NALCN: variants seen among roughly 807,000 people sequenced by gnomAD.
NALCN encodes sodium leak channel, non-selective, also known as sodium leak channel NALCN.
In NALCN, 111 loss-of-function variants were observed where a neutral mutation model predicts 225.3. The ratio of observed to expected loss-of-function variants is 0.49; its 90% confidence interval spans 0.42 to 0.58. The LOEUF (loss-of-function observed/expected upper bound fraction) is 0.58. NALCN is among the 20% of genes least tolerant of loss of function. The pLI is 0.00. For synonymous variants in NALCN, 764 were observed against 769.0 expected (o/e 0.99, Z 0.11); for missense variants, 1,378 against 2,202.4 (o/e 0.63, Z 7.49).
intron 3 of NALCN, among the ~76,000 whole-genome samples, chr13:101,380,201 G>A (rs1230243124): frequency 6.6e-6 from 1 of 151,578 alleles, no homozygotes; most frequent in Non-Finnish European, 1.5e-5. Flanking sequence ...CCATTCTCTT[G>A]GACCACAGTG....
chr13:101,060,147 A>G (rs1289104427), intron 41 of NALCN, among the ~76,000 whole-genome samples, 180 bp from the exon 42 acceptor site: 1 of 152,162 alleles, frequency 6.6e-6, no homozygotes, highest in East Asian at 1.9e-4. Flanking sequence ...GGCTGATGCA[A>G]AGGTGGGCTT....
intron 7 of NALCN, among the ~76,000 whole-genome samples, chr13:101,320,521 A>G (rs1309423080): frequency 1.3e-5 from 2 of 152,196 alleles, no homozygotes; most frequent in African/African-American, 4.8e-5. Context: ...GTGTGCTATT[A>G]TTTGCAGTGC....
intron 6 of NALCN, among the ~76,000 whole-genome samples, chr13:101,350,401 G>T (rs1349375420): frequency 6.6e-6 from 1 of 151,828 alleles, no homozygotes; most frequent in Non-Finnish European, 1.5e-5. Context: ...TCAGGCCCCA[G>T]CTTAACTATC....
At chr13:101,348,071 T>C (rs28583164) in intron 6 of NALCN, among the ~76,000 whole-genome samples, 16,412 of 152,162 alleles carry the variant, frequency 0.11, 1,330 homozygotes, top group East Asian at 0.37. Flanking sequence ...AAGGGTCTAC[T>C]AGCCCATCAA....
chr13:101,139,107 T>C (rs1007250518), intron 17 of NALCN, among the ~76,000 whole-genome samples: 11 of 152,162 alleles, frequency 7.2e-5, no homozygotes, highest in African/African-American at 2.7e-4. Context: ...GATTTTTGTT[T>C]GCTGGTTGTT....
chr13:101,377,745 C>T (rs56152574), intron 4 of NALCN, among the ~76,000 whole-genome samples: 32,648 of 152,004 alleles, frequency 0.21, 3,650 homozygotes, highest in Non-Finnish European at 0.24. Flanking sequence ...ATTGTACCTA[C>T]AGTTAACAAT....
At chr13:101,099,523 TG>T (rs1411062524) in intron 27 of NALCN, among the ~76,000 whole-genome samples, 10 of 152,148 alleles carry the variant, frequency 6.6e-5, no homozygotes, top group Non-Finnish European at 8.8e-5. Context: ...ATCATTTTAT[TG>T]GGATCAAAGA....
intron 11 of NALCN, among the ~76,000 whole-genome samples, chr13:101,245,435 T>C (rs4492916): frequency 0.38 from 57,262 of 151,996 alleles, 11,687 homozygotes; most frequent in Middle Eastern, 0.49. Context: ...AGAAGTCTTT[T>C]AGAGATTTTG....
At chr13:101,175,309 G>C (rs1044223601) in intron 15 of NALCN, among the ~76,000 whole-genome samples, 2 of 150,628 alleles carry the variant, frequency 1.3e-5, no homozygotes, top group African/African-American at 4.9e-5. Context: ...AGGCTTTAAA[G>C]GTAAGAGTAA....
intron 10 of NALCN, among the ~76,000 whole-genome samples, chr13:101,264,087 G>A (rs959291038): frequency 7.2e-5 from 11 of 151,992 alleles, no homozygotes; most frequent in African/African-American, 2.7e-4. Flanking sequence ...TATGACTTGA[G>A]GTCTTCACAA....
intron 14 of NALCN, among the ~76,000 whole-genome samples, chr13:101,179,170 G>C (rs368315612): frequency 2.0e-4 from 30 of 152,198 alleles, no homozygotes; most frequent in African/African-American, 7.0e-4. Context: ...ATAGAAGAGA[G>C]CACTGTGCTT....
At chr13:101,294,624 T>C (rs1410139593) in intron 7 of NALCN, among the ~76,000 whole-genome samples, 4 of 150,054 alleles carry the variant, frequency 2.7e-5, no homozygotes, top group Middle Eastern at 3.4e-3. Flanking sequence ...CTTCTGGTCC[T>C]GTGATGCCGC....
intron 17 of NALCN, among the ~76,000 whole-genome samples, chr13:101,130,288 A>T (rs667593): frequency 0.077 from 11,778 of 152,158 alleles, 619 homozygotes; most frequent in African/African-American, 0.15. Context: ...CAACCAAGAA[A>T]ACTACTGAAT....
chr13:101,146,372 C>T (rs775594284), intron 15 of NALCN, among the ~76,000 whole-genome samples: 4 of 152,132 alleles, frequency 2.6e-5, no homozygotes, highest in African/African-American at 7.2e-5. Context: ...CAAAATGGCA[C>T]GTTCTCAACA....
chr13:101,206,697 C>T (rs575536936), intron 13 of NALCN, among the ~76,000 whole-genome samples: 1 of 150,226 alleles, frequency 6.7e-6, no homozygotes, highest in Non-Finnish European at 1.5e-5. Context: ...ATATATGAAG[C>T]ATAAAATAAT....
Position 101,399,026 on chromosome 13 carries a change from T to C in NALCN, c.101A>G (p.Asn34Ser). ...LSDNADILWI[N>S]KPWVHSLLRI... ...CTCAAAGAAGAAACTTACTGGTTTG[T>C]TAATCCAGAGGATGTCAGCATTATC... The change falls in exon 2 of 44, where the codon AAC (asparagine) becomes AGC (serine). Residue 34 changes from asparagine to serine, a missense_variant. Coordinates refer to ENST00000251127, the MANE Select transcript of NALCN (RefSeq NM_052867.4). 1 of 1,567,284 alleles carries C rather than the reference T, an allele frequency of 6.4e-7. No individual in the cohort carries two copies. Among genetic ancestry groups the C allele is most frequent in the South Asian group, 1.1e-5 (1 of 90,168 alleles).
At position 101,059,839 on chromosome 13, in the gene NALCN, C is replaced by T; in HGVS notation, c.4884G>A (p.Gln1628=). ...ATACCTCAGGTTGCATGCTGTTGTC[C>T]TGACTGTTGGCATTCGTGTCCTCAC... ...QPSEDTNANS[Q]DNSMQPETSS... is the part of the protein sequence containing the mutation. Residue 1628 remains glutamine, a synonymous_variant, in exon 42 of 44, where the codon CAG becomes CAA. Coordinates refer to ENST00000251127, the MANE Select transcript of NALCN (RefSeq NM_052867.4). 4 of 1,614,062 alleles carry T rather than the reference C, an allele frequency of 2.5e-6. No homozygotes were observed. Among genetic ancestry groups the T allele is most frequent in the Non-Finnish European group, 3.4e-6 (4 of 1,180,030 alleles).
chr13:101,312,542 G>C (rs1339840678), intron 7 of NALCN, among the ~76,000 whole-genome samples: 1 of 151,934 alleles, frequency 6.6e-6, no homozygotes, highest in African/African-American at 2.4e-5. Context: ...ATGTGTCCCA[G>C]AGATTCTGGT....
At chr13:101,195,549 T>C (rs1167404203) in intron 13 of NALCN, among the ~76,000 whole-genome samples, 1 of 152,276 alleles carries the variant, frequency 6.6e-6, no homozygotes, top group Non-Finnish European at 1.5e-5. Context: ...GAATTGGCTG[T>C]TTAAATCAGT....
Sources: gnomAD v4.1 joint callset for allele counts (sites outside exome capture counted in the v4.1 genomes callset) on GRCh38, gnomAD v4.1.1 for gene constraint, MANE v1.5 for transcripts, NCBI Gene and HGNC (gene_info 2026-07-23, HGNC 2026-07-21) for gene names.